DEPDC5: variants seen among roughly 807,000 people sequenced by gnomAD.
DEPDC5 encodes the protein GATOR1 complex protein DEPDC5.
Under a neutral mutation model 217.3 loss-of-function variants are expected in DEPDC5, and 73 were observed. The ratio of observed to expected loss-of-function variants is 0.34; its 90% confidence interval spans 0.28 to 0.41. The LOEUF (loss-of-function observed/expected upper bound fraction) is 0.41, where lower values mean the gene tolerates loss of function less well. Among genes scored for constraint, DEPDC5 ranks in the 10% least tolerant of loss-of-function variants. DEPDC5 has a pLI of 1.00. For missense variants in DEPDC5, 1,675 were observed against 2,070.1 expected, an observed-to-expected ratio of 0.81 and a Z score of 3.70; for synonymous variants, 733 against 756.7, an observed-to-expected ratio of 0.97 and a Z score of 0.51.
intron 12 of DEPDC5, among the ~76,000 whole-genome samples, chr22:31,794,251 A>G (rs542654033): frequency 2.0e-5 from 3 of 152,290 alleles, no homozygotes; most frequent in African/African-American, 4.8e-5. Context: ...CATCTGCTGT[A>G]CTGACACCTC....
In DEPDC5 at chr22:31,810,604, C is replaced by T. The variant is rs371312649; in HGVS notation, c.1408C>T (p.Pro470Ser). The T allele has an allele frequency of 1.1e-5, 17 of 1,614,068 alleles. No individual in the cohort carries two copies. The African/African-American group carries it at 1.9e-4, about 18-fold the overall frequency. ...CTATGACGCTCAAGTGTTCAGGCTG[C>T]CCGGCCCATCCCGGGCCCAGTGCCT... ...DAYDAQVFRL[P>S]GPSRAQCLTT... The change falls in exon 20 of 43, where the codon CCC (proline) becomes TCC (serine). Residue 470 changes from proline to serine, a missense_variant. Coordinates refer to ENST00000651528, the MANE Select transcript of DEPDC5 (RefSeq NM_001242896.3).
intron 39 of DEPDC5, among the ~76,000 whole-genome samples, chr22:31,895,840 G>A (rs752042096): frequency 6.6e-6 from 1 of 151,582 alleles, no homozygotes; most frequent in African/African-American, 2.4e-5. Context: ...TCTCATCTGG[G>A]GAACATCCTT....
chr22:31,802,227 C>G (rs182587634), intron 14 of DEPDC5, among the ~76,000 whole-genome samples: 2 of 148,196 alleles, frequency 1.3e-5, no homozygotes, highest in East Asian at 4.0e-4. Context: ...CTCCTGGGTT[C>G]AAGTGATTCT....
intron 37 of DEPDC5, among the ~76,000 whole-genome samples, chr22:31,877,074 C>T (rs977078879): frequency 3.3e-5 from 5 of 151,302 alleles, no homozygotes; most frequent in South Asian, 2.1e-4. Flanking sequence ...ATCCGGGAGG[C>T]GGAGGTTGTA....
intron 33 of DEPDC5, among the ~76,000 whole-genome samples, chr22:31,865,530 TATATA>T (rs1016189112): frequency 3.3e-5 from 5 of 151,618 alleles, no homozygotes; most frequent in African/African-American, 1.2e-4. Context: ...AAAACATATA[TATATA>T]ACCATTTGGA....
chr22:31,893,708 A>G lies in DEPDC5; in HGVS notation c.4160A>G (p.Lys1387Arg). 6.2e-7 allele frequency: 1 copy of G among 1,613,900 alleles called. No homozygotes were observed. The highest frequency in any genetic ancestry group is 1.1e-5 in the South Asian group (1 of 91,054). ...TCTCTGAATGCAGCCTTTGAGATCA[A>G]GCTGCACTGGATGGCGGTGACCGCA... ...NFSLNAAFEI[K>R]LHWMAVTAAV... The change falls in exon 39 of 43, where the codon AAG (lysine) becomes AGG (arginine). Residue 1387 changes from lysine (K) to arginine (R), a missense_variant. This residue lies in a region of DEPDC5 where 182 missense variants were observed against 290.1 expected (regional missense o/e 0.63). Coordinates refer to ENST00000651528, the MANE Select transcript of DEPDC5 (RefSeq NM_001242896.3).
intron 33 of DEPDC5, among the ~76,000 whole-genome samples, chr22:31,867,402 C>G (rs1444037724): frequency 6.6e-6 from 1 of 152,148 alleles, no homozygotes; most frequent in Non-Finnish European, 1.5e-5. Context: ...ACCTCTGTTC[C>G]AAGACTCATA....
chr22:31,829,751 C>T (rs1330873794), intron 24 of DEPDC5, among the ~76,000 whole-genome samples: 2 of 152,066 alleles, frequency 1.3e-5, no homozygotes, highest in African/African-American at 4.8e-5. Flanking sequence ...TTGGTGGGGA[C>T]CTGGTAGCTG....
chr22:31,778,224 T>C, intron 8 of DEPDC5, 56 bp downstream of exon 8: 1 of 1,549,776 alleles, frequency 6.5e-7, no homozygotes, highest in South Asian at 1.1e-5. Flanking sequence ...TATGGCTAAG[T>C]CCTAAAATCA....
chr22:31,887,182 G>T (rs1378197245), intron 38 of DEPDC5, among the ~76,000 whole-genome samples: 1 of 151,820 alleles, frequency 6.6e-6, no homozygotes, highest in African/African-American at 2.4e-5. Context: ...ACTTTGAGAG[G>T]CCGAGGTGGG....
At chr22:31,786,033 G>A (rs1362930333) in intron 10 of DEPDC5, among the ~76,000 whole-genome samples, 2 of 152,020 alleles carry the variant, frequency 1.3e-5, no homozygotes, top group African/African-American at 4.8e-5. Flanking sequence ...TTGGGAGGCC[G>A]AGGTGGGCGG....
rs534076518 is a variant in DEPDC5 at position 31,838,165 on chromosome 22, C to A, written c.2355-520C>A. Among the ~76,000 whole-genome samples the A allele has an allele frequency of 8.5e-5, 13 of 152,282 alleles. No individual in the cohort carries two copies. In the South Asian group the frequency reaches 2.3e-3, roughly 27 times the overall value. On this transcript the variant is annotated intron_variant, in intron 26 of 42. Transcript: ENST00000651528. ...TTATTTTGGGCACACTAAATCTGAT[C>A]TTCTTTTCTAAAATTACTCATTTGG...
Position 31,758,977 on chromosome 22 carries a change from A to G in DEPDC5, c.146+344A>G, listed in dbSNP as rs1457638084. Among the ~76,000 whole-genome samples, 8 of 151,154 alleles carry G rather than the reference A, an allele frequency of 5.3e-5. No homozygotes were observed. The East Asian group carries it at 9.7e-4, about 18-fold the overall frequency. On this transcript the variant is annotated intron_variant, in intron 3 of 42. Coordinates refer to ENST00000651528, the MANE Select transcript of DEPDC5 (RefSeq NM_001242896.3). The stretch of plus-strand genomic sequence containing the variant: ...GAGTGCAGTTGTGTAATCTCAGCTC[A>G]CTGCAACCTCTGCCTCCCAGCCCCA...
chr22:31,832,452 A>C (rs376900621), intron 24 of DEPDC5, among the ~76,000 whole-genome samples: 1 of 151,860 alleles, frequency 6.6e-6, no homozygotes, highest in Non-Finnish European at 1.5e-5. Context: ...TCATCATTCA[A>C]ATCAAATAAG....
rs890092330 is a variant in DEPDC5, at chr22:31,804,154, T to G, written c.1082-8T>G. The G allele has an allele frequency of 6.2e-7, 1 of 1,614,104 alleles. No homozygotes were observed. Among genetic ancestry groups the G allele is most frequent in the African/African-American group, 1.3e-5 (1 of 75,048 alleles). On this transcript the variant is annotated splice_polypyrimidine_tract_variant and splice_region_variant and intron_variant, in intron 15 of 42. Transcript: ENST00000651528. ...CCCCACAATTCTTTTTGTCTTTTCT[T>G]TTTTTAGGAATTGGTGTGGATTTGG...
At chr22:31,885,669 G>A (rs1261281793) in intron 38 of DEPDC5, among the ~76,000 whole-genome samples, 1 of 149,094 alleles carries the variant, frequency 6.7e-6, no homozygotes, top group Non-Finnish European at 1.5e-5. Flanking sequence ...AGCTTGCAGT[G>A]AGCCGAGATC....
rs529780938 is a variant in DEPDC5, at chr22:31,766,679, AT to A, written c.363+19del. Reference sequence around the variant, plus strand: ...CTAAAGAAAAGTTTGGTAAGATGTGATTTTTTTTGAAAGTCTGTTACTTTTT... The same window carrying A: ...CTAAAGAAAAGTTTGGTAAGATGTGATTTTTTTGAAAGTCTGTTACTTTTT... On this transcript the variant is annotated intron_variant, in intron 6 of 42. Coordinates refer to ENST00000651528, the MANE Select transcript of DEPDC5 (RefSeq NM_001242896.3). The A allele has an allele frequency of 1.2e-4, 197 of 1,609,716 alleles. No homozygotes were observed. The highest frequency in any genetic ancestry group is 3.4e-4 in the Admixed American group (20 of 59,304).
At chr22:31,893,557 G>C in intron 38 of DEPDC5, 25 bp from the exon 39 acceptor site, 2 of 1,526,828 alleles carry the variant, frequency 1.3e-6, no homozygotes, top group Non-Finnish European at 1.8e-6. Flanking sequence ...CACTCTCTTG[G>C]GGCCCCTCCT....
chr22:31,828,388 G>T (rs986420190), intron 24 of DEPDC5, among the ~76,000 whole-genome samples: 2 of 148,126 alleles, frequency 1.4e-5, no homozygotes, highest in East Asian at 4.0e-4. Flanking sequence ...GGAGGCGGAG[G>T]TTGCAGTGAG....
Sources: gnomAD v4.1 joint callset for allele counts (sites outside exome capture counted in the v4.1 genomes callset) on GRCh38, gnomAD v4.1.1 for gene constraint, gnomAD v4.1.1 regional missense constraint, MANE v1.5 for transcripts, NCBI Gene and HGNC (gene_info 2026-07-23, HGNC 2026-07-21) for gene names.